The following HAUS6 variants were observed in gnomAD, a reference collection of about 807,000 sequenced individuals.
HAUS6 encodes the protein HAUS augmin-like complex subunit 6.
Under a neutral mutation model 106.8 loss-of-function variants are expected in HAUS6, and 80 were observed. The observed-to-expected ratio is 0.75, with a 90% CI of 0.63 to 0.90. The LOEUF is 0.90. Ranked by LOEUF, HAUS6 falls within the 40% of genes least tolerant of loss-of-function variation. The pLI is 0.00. For missense variants in HAUS6, 1,155 were observed against 1,118.1 expected, an observed-to-expected ratio of 1.03 and a Z score of -0.47; for synonymous variants, 356 against 379.1, an observed-to-expected ratio of 0.94 and a Z score of 0.71.
At chr9:19,074,544 T>C (rs1836951022) in intron 11 of HAUS6, among the ~76,000 whole-genome samples, 1 of 152,124 alleles carries the variant, frequency 6.6e-6, no homozygotes, top group Non-Finnish European at 1.5e-5. Flanking sequence ...AGTGCCAGGA[T>C]TATAGGTGTG....
rs563497636 is a variant in HAUS6, at chr9:19,066,299, G to C, written c.1377-2719C>G. 2.0e-4 allele frequency among the ~76,000 whole-genome samples: 30 copies of C among 151,954 alleles called. No individual in the cohort carries two copies. The South Asian group carries it at 5.8e-3, about 30-fold the overall frequency. Reference sequence around the variant, plus strand: ...TAAGAACTTGGCGGGGCGGGGGAGGGAGTTACAAGTGATTCCTTAAAAACT... The same window carrying C: ...TAAGAACTTGGCGGGGCGGGGGAGGCAGTTACAAGTGATTCCTTAAAAACT... On this transcript the variant is annotated intron_variant, in intron 12 of 16. Transcript: ENST00000380502.
rs746397608 is a variant in HAUS6 at position 19,058,211 on chromosome 9, G to A, written c.2556C>T (p.Tyr852=). 5 of 1,613,770 alleles carry A rather than the reference G, an allele frequency of 3.1e-6. No homozygotes were observed. Among genetic ancestry groups the A allele is most frequent in the Non-Finnish European group, 4.2e-6 (5 of 1,179,822 alleles). Residue 852 remains tyrosine, a synonymous_variant, in exon 16 of 17, where the codon TAC becomes TAT. Transcript: ENST00000380502. The part of the protein sequence containing the change: ...KSLSKKREES[Y]LSNSQTPERH... Reference sequence around the variant, plus strand: ...TTTCGGGTGTTTGGGAATTCGAGAGGTAAGATTCTTCCCTTTTCTTGGAAA... The same window carrying A: ...TTTCGGGTGTTTGGGAATTCGAGAGATAAGATTCTTCCCTTTTCTTGGAAA...
intron 10 of HAUS6, 99 bp from the exon 11 acceptor site, chr9:19,076,803 G>C: frequency 1.6e-6 from 1 of 638,782 alleles, no homozygotes; most frequent in African/African-American, 1.9e-5. Flanking sequence ...TTCTCAATAA[G>C]AAAGTCAGAA....
intron 4 of HAUS6, among the ~76,000 whole-genome samples, chr9:19,090,204 G>C (rs1817714340): frequency 6.6e-6 from 1 of 151,738 alleles, no homozygotes; most frequent in African/African-American, 2.4e-5. Context: ...ATTTCTAAAG[G>C]CGAGTTATTT....
In HAUS6 at chr9:19,067,867, T is replaced by G. The variant is rs138903241; in HGVS notation, c.1376+2352A>C. Among the ~76,000 whole-genome samples the G allele has an allele frequency of 7.9e-3, 1,197 of 152,068 alleles. 13 individuals are homozygous for G. The highest frequency in any genetic ancestry group is 0.028 in the African/African-American group (1,148 of 41,460). On this transcript the variant is annotated intron_variant, in intron 12 of 16. Coordinates refer to ENST00000380502, the MANE Select transcript of HAUS6 (RefSeq NM_017645.5). ...GCCACCACACCCAGCTAATTTTTTGTATTTTAAGTAGAGACGGGGTTTCAC... is the reference window on the plus strand; with the variant it reads ...GCCACCACACCCAGCTAATTTTTTGGATTTTAAGTAGAGACGGGGTTTCAC...
In HAUS6 at chr9:19,097,355, C is replaced by T. The variant is rs562132215; in HGVS notation, c.129-586G>A. The stretch of plus-strand genomic sequence containing the variant: ...AAAATTTTGCAACCTACTCATCTGA[C>T]AAAGGGCTAATATCCAGAATCTAAA... On this transcript the variant is annotated intron_variant, in intron 1 of 16. Coordinates refer to ENST00000380502, the MANE Select transcript of HAUS6 (RefSeq NM_017645.5). 2.6e-4 allele frequency among the ~76,000 whole-genome samples: 40 copies of T among 152,176 alleles called. 1 individual carries two copies. Among genetic ancestry groups the T allele is most frequent in the African/African-American group, 8.7e-4 (36 of 41,528 alleles).
rs552362639 is a variant in HAUS6, at chr9:19,065,997, G to A, written c.1377-2417C>T. 1.1e-4 allele frequency among the ~76,000 whole-genome samples: 16 copies of A among 148,904 alleles called. No individual in the cohort carries two copies. In the South Asian group the frequency reaches 1.1e-3, roughly 10 times the overall value. On this transcript the variant is annotated intron_variant, in intron 12 of 16. Transcript: ENST00000380502. ...GTCGCCCACACTGGAGTGCAGTGGC[G>A]GGATCCTGGCTCACTGCAACCTCCG... is the stretch of plus-strand genomic sequence containing the variant.
chr9:19,082,124 T>C (rs1345916784), intron 8 of HAUS6, among the ~76,000 whole-genome samples: 1 of 152,110 alleles, frequency 6.6e-6, no homozygotes, highest in Non-Finnish European at 1.5e-5. Context: ...ACATTTATAA[T>C]GACGGAAAGA....
Position 19,053,441 on chromosome 9 carries a change from C to T in HAUS6, c.*2902G>A, listed in dbSNP as rs537497343. On this transcript the variant is annotated 3_prime_UTR_variant, in exon 17 of 17. Coordinates refer to ENST00000380502, the MANE Select transcript of HAUS6 (RefSeq NM_017645.5). ...CTGTTTTTCCTTTAGATAAATTTGACTTCATAGTCAAGAGTCTCATGGTAA... is the reference window on the plus strand; with the variant it reads ...CTGTTTTTCCTTTAGATAAATTTGATTTCATAGTCAAGAGTCTCATGGTAA... 6.6e-5 allele frequency: 10 copies of T among 152,260 alleles called. No individual in the cohort carries two copies. The highest frequency in any genetic ancestry group is 6.2e-4 in the South Asian group (3 of 4,830). The allele number at this position is 152,260 out of a possible 1,614,324, so 9.4% of individuals were successfully genotyped here. A position where few individuals can be genotyped will look rare whatever the true frequency, so the allele number is the denominator to read the frequency against.
intron 5 of HAUS6, among the ~76,000 whole-genome samples, chr9:19,088,574 T>TA (rs1281087803): frequency 2.0e-5 from 3 of 151,628 alleles, no homozygotes; most frequent in Admixed American, 6.6e-5. Context: ...CTGAACTTTT[T>TA]AAACTAAAGT....
chr9:19,055,088 C>G lies in HAUS6; in HGVS notation c.*1255G>C, dbSNP rs1836439966. ...TCTCACAAAAAGATGGGTCTTCACACTGGGACAGGACAACCAACTTAGAGA... is the reference window on the plus strand; with the variant it reads ...TCTCACAAAAAGATGGGTCTTCACAGTGGGACAGGACAACCAACTTAGAGA... On this transcript the variant is annotated 3_prime_UTR_variant, in exon 17 of 17. Coordinates refer to ENST00000380502, the MANE Select transcript of HAUS6 (RefSeq NM_017645.5). The G allele has an allele frequency of 2.0e-5, 3 of 152,204 alleles. No individual in the cohort carries two copies. The highest frequency in any genetic ancestry group is 2.0e-4 in the Admixed American group (3 of 15,284). 9.4% of individuals were successfully genotyped at this position (152,204 alleles called of 1,614,324 possible).
At position 19,058,057 on chromosome 9, in the gene HAUS6, T is replaced by C. The variant is rs200841251; in HGVS notation, c.2710A>G (p.Lys904Glu). Residue 904 changes from lysine to glutamate, a missense_variant, in exon 16 of 17, where the codon AAA becomes GAA. Lys to Glu is a moderately conservative substitution (Grantham distance 56). Transcript: ENST00000380502. ...TTAATTAGTGGTGAAAGAGACCGTT[T>C]TCTTTCACCGATGGACGTGCGTAAA... ...PSLRTSIGER[K>E]RSLSPLIKFS... 1 of 1,611,946 alleles carries C rather than the reference T, an allele frequency of 6.2e-7. No homozygotes were observed. Among genetic ancestry groups the C allele is most frequent in the Non-Finnish European group, 8.5e-7 (1 of 1,177,882 alleles).
At chr9:19,085,291 A>T (rs1479641544) in intron 7 of HAUS6, among the ~76,000 whole-genome samples, 2 of 152,154 alleles carry the variant, frequency 1.3e-5, no homozygotes, top group Non-Finnish European at 2.9e-5. Context: ...TATGAACCAA[A>T]CTCAGAAGAG....
chr9:19,087,778 G>A (rs1482313672), intron 5 of HAUS6, among the ~76,000 whole-genome samples: 1 of 148,176 alleles, frequency 6.7e-6, no homozygotes, highest in Non-Finnish European at 1.5e-5. Context: ...AGGAGGTCAA[G>A]GCTGCCGTGA....
At chr9:19,082,115 C>T (rs938230114) in intron 8 of HAUS6, among the ~76,000 whole-genome samples, 19 of 152,040 alleles carry the variant, frequency 1.2e-4, no homozygotes, top group African/African-American at 4.6e-4. Context: ...AATACAAATA[C>T]ATTTATAATG....
rs1027833327 is a variant in HAUS6 at position 19,054,257 on chromosome 9, AG to A, written c.*2085del. 2.0e-5 allele frequency: 3 copies of A among 152,224 alleles called. No homozygotes were observed. The highest frequency in any genetic ancestry group is 7.2e-5 in the African/African-American group (3 of 41,454). The allele number at this position is 152,224 out of a possible 1,614,324, so 9.4% of individuals were successfully genotyped here. On this transcript the variant is annotated 3_prime_UTR_variant, in exon 17 of 17. Transcript: ENST00000380502. Reference sequence around the variant, plus strand: ...AGGGGGAGTAGAGGAAATCCGTTACAGGGGAACTTACATGCCTTTAAATTTG... The same window carrying A: ...AGGGGGAGTAGAGGAAATCCGTTACAGGGAACTTACATGCCTTTAAATTTG...
Position 19,070,414 on chromosome 9 carries a change from A to T in HAUS6, c.1295-114T>A, listed in dbSNP as rs913375320. On this transcript the variant is annotated intron_variant, in intron 11 of 16. Coordinates refer to ENST00000380502, the MANE Select transcript of HAUS6 (RefSeq NM_017645.5). ...AACAGAAGAAAACAGAAAAACCAAA[A>T]TATGAACACTAATAGGAAAACATAA... 9 of 645,520 alleles carry T rather than the reference A, an allele frequency of 1.4e-5. No homozygotes were observed. The African/African-American group carries it at 1.5e-4, about 11-fold the overall frequency. The allele number at this position is 645,520 out of a possible 1,614,324, so 40.0% of individuals were successfully genotyped here. A position where few individuals can be genotyped will look rare whatever the true frequency, so the allele number is the denominator to read the frequency against.
chr9:19,096,795 T>C, intron 1 of HAUS6, 26 bp from the exon 2 acceptor site: 6 of 1,125,368 alleles, frequency 5.3e-6, no homozygotes, highest in Non-Finnish European at 6.4e-6. Context: ...GAAATAGAAA[T>C]AGAAAAAGAA....
intron 12 of HAUS6, among the ~76,000 whole-genome samples, chr9:19,065,510 C>CA (rs35308347): frequency 2.0e-5 from 3 of 151,510 alleles, no homozygotes; most frequent in Non-Finnish European, 4.4e-5. Context: ...TACAGACAGC[C>CA]AAAAAAAAAT....
Sources: gnomAD v4.1 joint callset for allele counts (sites outside exome capture counted in the v4.1 genomes callset) on GRCh38, gnomAD v4.1.1 for gene constraint, MANE v1.5 for transcripts, NCBI Gene and HGNC (gene_info 2026-07-23, HGNC 2026-07-21) for gene names.